RNF38: variants seen among roughly 807,000 people sequenced by gnomAD.
The protein encoded by RNF38 is E3 ubiquitin-protein ligase RNF38.
Under a neutral mutation model 67.2 loss-of-function variants are expected in RNF38, and 15 were observed. The observed-to-expected ratio is 0.22, with a 90% confidence interval of 0.15 to 0.34. RNF38 has a LOEUF of 0.34. RNF38 is among the 10% of genes least tolerant of loss of function. RNF38 has a pLI of 1.00. For synonymous variants in RNF38, 220 were observed against 218.8 expected, an observed-to-expected ratio of 1.01 and a Z score of -0.05; for missense variants, 524 against 639.9, an observed-to-expected ratio of 0.82 and a Z score of 1.95.
At chr9:36,406,786 A>C (rs920444513) in intron 2 of RNF38, among the ~76,000 whole-genome samples, 1 of 152,208 alleles carries the variant, frequency 6.6e-6, no homozygotes, top group Non-Finnish European at 1.5e-5. Flanking sequence ...ATAAATTTCA[A>C]AATCTTCCCT....
chr9:36,473,868 T>C (rs1188018932), intron 1 of RNF38, among the ~76,000 whole-genome samples: 2 of 149,160 alleles, frequency 1.3e-5, no homozygotes, highest in Admixed American at 6.8e-5. Flanking sequence ...GCACCTGTAA[T>C]CCCAGCTACT....
At chr9:36,366,565 T>G (rs1184685586) in intron 4 of RNF38, among the ~76,000 whole-genome samples, 1 of 152,242 alleles carries the variant, frequency 6.6e-6, no homozygotes, top group Non-Finnish European at 1.5e-5. Context: ...GCTTCGGGAT[T>G]TTCTATCAGT....
chr9:36,358,349 G>A (rs1017520028), intron 4 of RNF38, among the ~76,000 whole-genome samples: 11 of 152,130 alleles, frequency 7.2e-5, no homozygotes, highest in Non-Finnish European at 1.6e-4. Context: ...TTAAAAAAAT[G>A]AAATCTCATT....
At chr9:36,437,578 G>A (rs1839099227) in intron 1 of RNF38, among the ~76,000 whole-genome samples, 1 of 151,070 alleles carries the variant, frequency 6.6e-6, no homozygotes, top group Non-Finnish European at 1.5e-5. Flanking sequence ...AAAAAGAAGA[G>A]GCGCAGACAA....
intron 1 of RNF38, among the ~76,000 whole-genome samples, chr9:36,393,894 G>C (rs565489843): frequency 8.5e-5 from 13 of 152,240 alleles, no homozygotes; most frequent in African/African-American, 2.9e-4. Context: ...GCAGTCACCA[G>C]TTGACGACCA....
intron 1 of RNF38, among the ~76,000 whole-genome samples, chr9:36,465,146 C>T (rs1839830548): frequency 6.6e-6 from 1 of 152,160 alleles, no homozygotes; most frequent in South Asian, 2.1e-4. Flanking sequence ...TTAGAACCCT[C>T]GTACACTGCT....
chr9:36,469,774 G>C (rs181362559), intron 1 of RNF38, among the ~76,000 whole-genome samples: 1,998 of 152,244 alleles, frequency 0.013, 28 homozygotes, highest in Non-Finnish European at 0.019. Flanking sequence ...CCAGGAGTTT[G>C]AGACCAGCCT....
At position 36,407,716 on chromosome 9, in the gene RNF38, T is replaced by C. The variant is rs535479550; in HGVS notation, n.312+16897A>G. 7.2e-4 allele frequency among the ~76,000 whole-genome samples: 110 copies of C among 152,304 alleles called. No homozygotes were observed. The South Asian group carries it at 8.7e-3, about 12-fold the overall frequency. ...CTGTTCCGGAGAACAGACAGCACCT[T>C]GAGCTCAACTGTATGCTCCAGCAGC... is the stretch of plus-strand genomic sequence containing the variant. On this transcript the variant is annotated intron_variant and non_coding_transcript_variant, in intron 2 of 3. Coordinates refer to the RNF38 transcript ENST00000488058.
rs553324702 is a variant in RNF38, at chr9:36,455,016, C to A, written n.242-30333G>T. ...AACTCATCAGTATTCAACTCCCATG[C>A]GTATAAAGAAACAAATTCTTAAGAA... On this transcript the variant is annotated intron_variant and non_coding_transcript_variant, in intron 1 of 3. Coordinates refer to the RNF38 transcript ENST00000488058. 2.6e-5 allele frequency among the ~76,000 whole-genome samples: 4 copies of A among 152,058 alleles called. No homozygotes were observed. In the South Asian group the frequency reaches 6.2e-4, roughly 24 times the overall value.
At chr9:36,457,020 C>T (rs1270424917) in intron 1 of RNF38, among the ~76,000 whole-genome samples, 1 of 152,090 alleles carries the variant, frequency 6.6e-6, no homozygotes, top group Non-Finnish European at 1.5e-5. Flanking sequence ...ACTACTTCAT[C>T]AACACCCACA....
At chr9:36,464,397 T>A (rs1435628041) in intron 1 of RNF38, among the ~76,000 whole-genome samples, 1 of 151,790 alleles carries the variant, frequency 6.6e-6, no homozygotes, top group African/African-American at 2.4e-5. Context: ...TGAAACTCTG[T>A]CACTACTAAA....
At chr9:36,427,576 A>G (rs1400293461) in intron 1 of RNF38, among the ~76,000 whole-genome samples, 1 of 152,188 alleles carries the variant, frequency 6.6e-6, no homozygotes, top group Non-Finnish European at 1.5e-5. Flanking sequence ...GTGAGGACAC[A>G]GCAAAAAGGC....
intron 1 of RNF38, among the ~76,000 whole-genome samples, chr9:36,465,886 T>C (rs906288465): frequency 8.6e-5 from 13 of 151,816 alleles, no homozygotes; most frequent in African/African-American, 2.7e-4. Flanking sequence ...CCGTCTCTAC[T>C]AAAAATACAA....
chr9:36,378,200 G>A (rs559360873), intron 2 of RNF38, among the ~76,000 whole-genome samples: 3 of 137,576 alleles, frequency 2.2e-5, no homozygotes, highest in African/African-American at 5.5e-5. Flanking sequence ...TTTGTGAGAC[G>A]GAGTCTTGCT....
chr9:36,483,143 T>A (rs929560770), intron 1 of RNF38, among the ~76,000 whole-genome samples: 1 of 152,100 alleles, frequency 6.6e-6, no homozygotes, highest in African/African-American at 2.4e-5. Context: ...TCCCAACACT[T>A]TGGAAGGCCG....
intron 6 of RNF38, among the ~76,000 whole-genome samples, chr9:36,356,062 G>A (rs985813386): frequency 1.3e-5 from 2 of 152,080 alleles, no homozygotes; most frequent in African/African-American, 2.4e-5. Flanking sequence ...GGCCAGGCTG[G>A]TCTTGAACTC....
At chr9:36,487,626 CCGGCCGGCAGCAGCGGTGGCGGCGA>C, upstream of RNF38, 1 of 969,660 alleles carries the variant, frequency 1.0e-6, no homozygotes, top group Non-Finnish European at 1.2e-6. Context: ...TGGCTGGGCC[CCGGCCGGCAGCAGCGGTGGCGGCGA>C]CGGAGGCGGC....
At chr9:36,480,548 C>CTT (rs3072687) in intron 1 of RNF38, among the ~76,000 whole-genome samples, 2,852 of 100,698 alleles carry the variant, frequency 0.028, 126 homozygotes, top group East Asian at 0.037. Flanking sequence ...TTTTCTTTTT[C>CTT]TTTTTTTTTT....
chr9:36,359,650 A>G (rs1834375209), intron 4 of RNF38, among the ~76,000 whole-genome samples: 1 of 152,156 alleles, frequency 6.6e-6, no homozygotes, highest in South Asian at 2.1e-4. Flanking sequence ...CTTACGTATA[A>G]AATCAATTTT....
Sources: gnomAD v4.1 joint callset for allele counts (sites outside exome capture counted in the v4.1 genomes callset) on GRCh38, gnomAD v4.1.1 for gene constraint, MANE v1.5 for transcripts, NCBI Gene and HGNC (gene_info 2026-07-23, HGNC 2026-07-21) for gene names.